The following RAB38 variants were observed in gnomAD, a reference collection of about 807,000 sequenced individuals.
The protein encoded by RAB38 is RAB38, member RAS oncogene family.
In RAB38, 15 loss-of-function variants were observed where a neutral mutation model predicts 18.4. That is an observed-to-expected ratio of 0.82 (90% CI 0.55 to 1.26). The LOEUF (loss-of-function observed/expected upper bound fraction) is 1.26, where lower values mean the gene tolerates loss of function less well. RAB38 is among the 50% of genes most tolerant of loss of function. The pLI is 0.00. For synonymous variants in RAB38, 101 were observed against 104.4 expected, an observed-to-expected ratio of 0.97 and a Z score of 0.20; for missense variants, 294 against 267.4, an observed-to-expected ratio of 1.10 and a Z score of -0.69.
chr11:88,038,888 A>G, the RAB38 span, among the ~76,000 whole-genome samples: 2 of 152,188 alleles, frequency 1.3e-5, no homozygotes, highest in Admixed American at 6.5e-5. Flanking sequence ...ATACTTTACA[A>G]ATATCTATTC....
intron 1 of RAB38, among the ~76,000 whole-genome samples, chr11:88,174,398 C>G (rs1172107502): frequency 6.6e-6 from 1 of 152,006 alleles, no homozygotes; most frequent in Non-Finnish European, 1.5e-5. Flanking sequence ...AACAAACAAC[C>G]TCTCATTTTT....
the RAB38 span, among the ~76,000 whole-genome samples, chr11:88,083,319 G>C: frequency 6.6e-6 from 1 of 151,462 alleles, no homozygotes; most frequent in Admixed American, 6.6e-5. Flanking sequence ...ATATATTTTT[G>C]AATTTCCTTG....
At chr11:88,118,601 C>T (rs916021913) in intron 2 of RAB38, among the ~76,000 whole-genome samples, 4 of 152,168 alleles carry the variant, frequency 2.6e-5, no homozygotes, top group African/African-American at 9.7e-5. Flanking sequence ...CACAACATCT[C>T]CAGGGGCATC....
At chr11:87,948,455 G>A in the RAB38 span, among the ~76,000 whole-genome samples, 4 of 151,730 alleles carry the variant, frequency 2.6e-5, no homozygotes, top group African/African-American at 9.7e-5. Context: ...GGTGAGAGAG[G>A]GCATCCCTGT....
the RAB38 span, among the ~76,000 whole-genome samples, chr11:87,931,371 G>A: frequency 4.6e-5 from 7 of 152,020 alleles, no homozygotes; most frequent in Non-Finnish European, 7.4e-5. Flanking sequence ...TTGCAAGTAC[G>A]AGAAGAAAGA....
chr11:87,969,848 G>T, the RAB38 span, among the ~76,000 whole-genome samples: 1 of 152,086 alleles, frequency 6.6e-6, no homozygotes, highest in Non-Finnish European at 1.5e-5. Flanking sequence ...CACAACAGTG[G>T]ATTCTGGAGA....
chr11:88,095,716 C>T, the RAB38 span, among the ~76,000 whole-genome samples: 1 of 151,834 alleles, frequency 6.6e-6, no homozygotes, highest in Non-Finnish European at 1.5e-5. Context: ...TGTCCAACTA[C>T]CTATCTCCAA....
chr11:87,813,197 A>C, the RAB38 span, among the ~76,000 whole-genome samples: 1 of 152,164 alleles, frequency 6.6e-6, no homozygotes, highest in Non-Finnish European at 1.5e-5. Flanking sequence ...CACAGAAATA[A>C]CCATTTGAGA....
At chr11:88,022,363 G>A in the RAB38 span, among the ~76,000 whole-genome samples, 1 of 150,936 alleles carries the variant, frequency 6.6e-6, no homozygotes. Context: ...TGTAATAAAA[G>A]CTGTATATGA....
chr11:87,844,195 A>G, the RAB38 span, among the ~76,000 whole-genome samples: 3 of 152,322 alleles, frequency 2.0e-5, no homozygotes, highest in African/African-American at 7.2e-5. Context: ...AAATAATCCT[A>G]TGAAATAAAT....
At chr11:88,170,643 A>G (rs1370677082) in intron 1 of RAB38, among the ~76,000 whole-genome samples, 1 of 152,170 alleles carries the variant, frequency 6.6e-6, no homozygotes, top group Non-Finnish European at 1.5e-5. Flanking sequence ...CAGTTAATGT[A>G]TTCTTCTGCT....
intron 2 of RAB38, among the ~76,000 whole-genome samples, chr11:88,133,959 G>T (rs1942799115): frequency 6.6e-6 from 1 of 152,188 alleles, no homozygotes. Context: ...CAAGAGATTA[G>T]TCCTGAGTCC....
At chr11:88,037,172 T>C in the RAB38 span, among the ~76,000 whole-genome samples, 1 of 152,074 alleles carries the variant, frequency 6.6e-6, no homozygotes, top group Non-Finnish European at 1.5e-5. Flanking sequence ...AAACATTCTA[T>C]TACAACCAGG....
the RAB38 span, among the ~76,000 whole-genome samples, chr11:88,043,968 A>G: frequency 0.034 from 5,090 of 151,654 alleles, 222 homozygotes; most frequent in South Asian, 0.075. Flanking sequence ...CCTTTTTTTT[A>G]CTCTCTTCTC....
At chr11:87,929,126 G>C in the RAB38 span, among the ~76,000 whole-genome samples, 1 of 151,730 alleles carries the variant, frequency 6.6e-6, no homozygotes, top group Non-Finnish European at 1.5e-5. Flanking sequence ...AAAAAAACAA[G>C]AAAAAAAGTA....
the RAB38 span, among the ~76,000 whole-genome samples, chr11:87,904,600 T>C: frequency 6.6e-6 from 1 of 151,758 alleles, no homozygotes; most frequent in Non-Finnish European, 1.5e-5. Context: ...TAATATCCAG[T>C]AATGAGATTC....
the RAB38 span, among the ~76,000 whole-genome samples, chr11:87,950,328 TTACTC>T: frequency 2.6e-5 from 4 of 152,088 alleles, no homozygotes; most frequent in Non-Finnish European, 2.9e-5. Flanking sequence ...TGATGGGTCT[TTACTC>T]TATCCAATTT....
chr11:88,017,496 G>C, the RAB38 span, among the ~76,000 whole-genome samples: 4 of 151,222 alleles, frequency 2.6e-5, no homozygotes, highest in African/African-American at 9.7e-5. Context: ...CTATTCATGG[G>C]TCTCAAGGAC....
At chr11:87,904,023 G>A in the RAB38 span, among the ~76,000 whole-genome samples, 2 of 151,160 alleles carry the variant, frequency 1.3e-5, no homozygotes, top group Non-Finnish European at 3.0e-5. Flanking sequence ...TTTATTTTAT[G>A]GAATTGTGGT....
Sources: allele counts gnomAD v4.1 joint callset (sites outside exome capture counted in the v4.1 genomes callset), GRCh38; gene constraint gnomAD v4.1.1; transcripts MANE v1.5; gene names NCBI Gene and HGNC (gene_info 2026-07-23, HGNC 2026-07-21).